Variants in PCBP4 observed in about 807,000 individuals in gnomAD.
The protein encoded by PCBP4 is poly(rC) binding protein 4, also known as poly(rC)-binding protein 4.
A neutral mutation model predicts 46.2 loss-of-function variants in PCBP4; 24 were observed. That is an observed-to-expected ratio of 0.52 (90% CI 0.38 to 0.73). PCBP4 has a LOEUF of 0.73. Among genes scored for constraint, PCBP4 ranks in the 30% least tolerant of loss-of-function variants. The pLI is 0.00. For synonymous variants in PCBP4, 203 were observed against 224.4 expected, an observed-to-expected ratio of 0.90 and a Z score of 0.85; for missense variants, 407 against 537.0, an observed-to-expected ratio of 0.76 and a Z score of 2.39.
intron 1 of PCBP4, among the ~76,000 whole-genome samples, chr3:51,966,642 C>T (rs1156659044): frequency 1.3e-5 from 2 of 152,062 alleles, no homozygotes; most frequent in African/African-American, 2.4e-5. Context: ...TGCATCATCA[C>T]CTTGGAGACC....
chr3:51,962,950 T>G (rs752535389), intron 1 of PCBP4: 2 of 152,312 alleles, frequency 1.3e-5, no homozygotes, highest in Non-Finnish European at 2.9e-5. Context: ...GCCAGCCTCA[T>G]GCTGGCTGCC....
intron 1 of PCBP4, among the ~76,000 whole-genome samples, chr3:51,965,201 G>A (rs760718150): frequency 1.1e-4 from 16 of 152,156 alleles, no homozygotes; most frequent in Non-Finnish European, 2.1e-4. Context: ...AGCCACCCAT[G>A]GCTGCCCAGT....
Position 51,958,858 on chromosome 3 carries a change from C to T in PCBP4, c.855G>A (p.Gly285=). Residue 285 remains glycine (G), a synonymous_variant, in exon 13 of 14, where the codon GGG becomes GGA. Transcript: ENST00000461554. This position sits in a 1 kb window ranked among gnomAD's most constrained non-coding sequence, Gnocchi z 5.4. ...IKIGNQAEGA[G]ERHVTITGSP... ...AGCCAGTGATGGTGACATGCCGCTC[C>T]CCAGCGCCCTCTGCTTGGTTCCCGA... The T allele has an allele frequency of 6.2e-7, 1 of 1,613,962 alleles. No homozygotes were observed. The highest frequency in any genetic ancestry group is 8.5e-7 in the Non-Finnish European group (1 of 1,179,938).
rs772962300 is a variant in PCBP4, at chr3:51,960,042, G to A, written c.388-19C>T. 15 of 1,614,208 alleles carry A rather than the reference G, an allele frequency of 9.3e-6. No individual in the cohort carries two copies. The South Asian group carries it at 1.3e-4, about 14-fold the overall frequency. On this transcript the variant is annotated intron_variant, in intron 7 of 13. Transcript: ENST00000461554. This position sits in a 1 kb window ranked among gnomAD's most constrained non-coding sequence, Gnocchi z 5.0. Reference sequence around the variant, plus strand: ...CCGTAGTCTGCAAACAGAGAACAGGGGCCACTTCTGGCTGCTCCCATAACC... The same window carrying A: ...CCGTAGTCTGCAAACAGAGAACAGGAGCCACTTCTGGCTGCTCCCATAACC...
At position 51,960,801 on chromosome 3, in the gene PCBP4, A is replaced by G. The variant is rs1700123064; in HGVS notation, c.138+65T>C. 6.4e-7 allele frequency: 1 copy of G among 1,572,746 alleles called. No homozygotes were observed. Among genetic ancestry groups the G allele is most frequent in the African/African-American group, 1.4e-5 (1 of 73,888 alleles). On this transcript the variant is annotated intron_variant, in intron 5 of 13. Coordinates refer to ENST00000461554, the MANE Select transcript of PCBP4 (RefSeq NM_001174100.2). This position sits in a 1 kb window ranked among gnomAD's most constrained non-coding sequence, Gnocchi z 5.0. ...CCCAGAAGGAGTGGTTCAGAGAGAA[A>G]GTGGGGCAGGGATCTCCCCTCCACA...
chr3:51,958,571 A>C lies in PCBP4; in HGVS notation c.923+219T>G, dbSNP rs1447370144. Reference sequence around the variant, plus strand: ...TGGGGTGGCCAGAGACCCAGGGAAAAGACACAGCAATGGAGAATGAGAGGT... The same window carrying C: ...TGGGGTGGCCAGAGACCCAGGGAAACGACACAGCAATGGAGAATGAGAGGT... On this transcript the variant is annotated intron_variant, in intron 13 of 13. Transcript: ENST00000461554. The surrounding 1 kb of genome is among the most constrained non-coding windows in gnomAD (Gnocchi z 5.4). Among the ~76,000 whole-genome samples, 1 of 151,710 alleles carries C rather than the reference A, an allele frequency of 6.6e-6. No homozygotes were observed. The highest frequency in any genetic ancestry group is 6.6e-5 in the Admixed American group (1 of 15,236).
At position 51,959,220 on chromosome 3, in the gene PCBP4, G is replaced by T; in HGVS notation, c.700+9C>A. ...CCTCCCCCTGCCTCCTTGTGCAGGG[G>T]TGGCTTACCTGGCACCACGCTGGGT... On this transcript the variant is annotated intron_variant, in intron 11 of 13. Transcript: ENST00000461554. The surrounding 1 kb of genome is among the most constrained non-coding windows in gnomAD (Gnocchi z 5.6). 1.2e-6 allele frequency: 2 copies of T among 1,613,948 alleles called. No homozygotes were observed. The highest frequency in any genetic ancestry group is 1.1e-5 in the South Asian group (1 of 91,084).
rs1559756636 is a variant in PCBP4, at chr3:51,959,042, C to G, written c.753+5G>C. On this transcript the variant is annotated splice_donor_5th_base_variant and intron_variant, in intron 12 of 13. Coordinates refer to ENST00000461554, the MANE Select transcript of PCBP4 (RefSeq NM_001174100.2). This position sits in a 1 kb window ranked among gnomAD's most constrained non-coding sequence, Gnocchi z 5.6. ...CACCCTCCAGCCATCCCATCCCCTG[C>G]TCACATCGTTGGGAACCAAGAACTC... 2 of 1,613,874 alleles carry G rather than the reference C, an allele frequency of 1.2e-6. No homozygotes were observed. The highest frequency in any genetic ancestry group is 1.7e-6 in the Non-Finnish European group (2 of 1,179,878).
intron 1 of PCBP4, among the ~76,000 whole-genome samples, chr3:51,965,352 G>C (rs1700371354): frequency 6.6e-6 from 1 of 152,066 alleles, no homozygotes; most frequent in African/African-American, 2.4e-5. Context: ...CAGCCCTTCG[G>C]GCCTTTCTCC....
At chr3:51,963,017 C>T (rs781103789) in intron 1 of PCBP4, 2 of 152,316 alleles carry the variant, frequency 1.3e-5, no homozygotes, top group African/African-American at 2.4e-5. Context: ...CTTGTGATGA[C>T]GTGCTTGGTT....
chr3:51,960,833 G>A lies in PCBP4; in HGVS notation c.138+33C>T. ...CAGGGATCTCCCCTCCACATCAGGT[G>A]CCCTGGGCTCCTCCCCCAAACTCCA... On this transcript the variant is annotated intron_variant, in intron 5 of 13. Transcript: ENST00000461554. The surrounding 1 kb of genome is among the most constrained non-coding windows in gnomAD (Gnocchi z 5.0). 6.2e-7 allele frequency: 1 copy of A among 1,611,358 alleles called. No homozygotes were observed.
chr3:51,961,683 G>A (rs948523194), intron 2 of PCBP4: 19 of 886,080 alleles, frequency 2.1e-5, no homozygotes, highest in Middle Eastern at 5.7e-4. Context: ...CCTCCTCCCT[G>A]ACCTCTTGGA....
intron 1 of PCBP4, among the ~76,000 whole-genome samples, chr3:51,965,282 T>C (rs1700368169): frequency 6.6e-6 from 1 of 152,216 alleles, no homozygotes; most frequent in Non-Finnish European, 1.5e-5. Context: ...CCTGTCTCTC[T>C]TGTCTCATCT....
chr3:51,960,672 G>A lies in PCBP4; in HGVS notation c.139-30C>T, dbSNP rs575563600. On this transcript the variant is annotated intron_variant, in intron 5 of 13. Transcript: ENST00000461554. The surrounding 1 kb of genome is among the most constrained non-coding windows in gnomAD (Gnocchi z 5.0). ...AGATATAGAATGAGCGCCGGGCAGC[G>A]GGGCATCTTCCCTGCTCCCTTGCCG... 1.1e-5 allele frequency: 18 copies of A among 1,567,432 alleles called. No individual in the cohort carries two copies. The highest frequency in any genetic ancestry group is 2.7e-5 in the African/African-American group (2 of 74,026).
At position 51,959,450 on chromosome 3, in the gene PCBP4, C is replaced by T; in HGVS notation, c.592-39G>A. 1 of 1,574,668 alleles carries T rather than the reference C, an allele frequency of 6.4e-7. No homozygotes were observed. ...GTGGATGAAAAGGGGGTTACTGTGACATTGCAGTTCAGCCAGAGTCACTCC... is the reference window on the plus strand; with the variant it reads ...GTGGATGAAAAGGGGGTTACTGTGATATTGCAGTTCAGCCAGAGTCACTCC... On this transcript the variant is annotated intron_variant, in intron 9 of 13. Transcript: ENST00000461554. This position sits in a 1 kb window ranked among gnomAD's most constrained non-coding sequence, Gnocchi z 5.6.
rs370511467 is a variant in PCBP4 at position 51,958,744 on chromosome 3, T to C, written c.923+46A>G. On this transcript the variant is annotated intron_variant, in intron 13 of 13. Transcript: ENST00000461554. This position sits in a 1 kb window ranked among gnomAD's most constrained non-coding sequence, Gnocchi z 5.4. ...CCCACCCCTGCCTTTCTTGGGCACA[T>C]GAGAACCGTGACCTGCTCCCCCACT... 1.4e-5 allele frequency: 22 copies of C among 1,576,424 alleles called. No homozygotes were observed. The East Asian group carries it at 1.8e-4, about 13-fold the overall frequency.
chr3:51,964,576 C>A lies in PCBP4; in HGVS notation c.-212-2488G>T, dbSNP rs323875. 6.9e-3 allele frequency among the ~76,000 whole-genome samples: 1,045 copies of A among 152,324 alleles called. 15 individuals carry two copies. The highest frequency in any genetic ancestry group is 0.024 in the African/African-American group (987 of 41,572). On this transcript the variant is annotated intron_variant, in intron 1 of 13. Coordinates refer to ENST00000461554, the MANE Select transcript of PCBP4 (RefSeq NM_001174100.2). ...GCAGCCCCCTTCTCCTATTCCCACT[C>A]CCAAAGCAGCCATGCTAGCCACACC...
At chr3:51,964,200 G>A (rs1347871430) in intron 1 of PCBP4, among the ~76,000 whole-genome samples, 2 of 152,168 alleles carry the variant, frequency 1.3e-5, no homozygotes, top group African/African-American at 2.4e-5. Flanking sequence ...TGGAGGAGGC[G>A]GGGGGGTGAC....
intron 1 of PCBP4, among the ~76,000 whole-genome samples, chr3:51,964,206 G>T (rs1241371789): frequency 6.6e-6 from 1 of 152,190 alleles, no homozygotes; most frequent in Non-Finnish European, 1.5e-5. Flanking sequence ...AGGCGGGGGG[G>T]TGACAGCTGT....
Sources: gnomAD v4.1 joint callset for allele counts (sites outside exome capture counted in the v4.1 genomes callset) on GRCh38, gnomAD v4.1.1 for gene constraint, Gnocchi (gnomAD v3.1) non-coding constraint, MANE v1.5 for transcripts, NCBI Gene and HGNC (gene_info 2026-07-23, HGNC 2026-07-21) for gene names.